CERS6: variants seen among roughly 807,000 people sequenced by gnomAD.
CERS6 encodes the protein ceramide synthase 6.
CERS6 carries 26 observed loss-of-function variants against 56.8 expected under a neutral mutation model. The observed-to-expected ratio is 0.46, with a 90% CI of 0.34 to 0.63. CERS6 has a LOEUF of 0.63. Among genes scored for constraint, CERS6 ranks in the 30% least tolerant of loss-of-function variants. The probability of loss-of-function intolerance (pLI) is 0.01; values close to 1 mark genes in which losing one functional copy is unlikely to be tolerated. For synonymous variants in CERS6, 164 were observed against 173.3 expected, an observed-to-expected ratio of 0.95 and a Z score of 0.42; for missense variants, 415 against 467.5, an observed-to-expected ratio of 0.89 and a Z score of 1.04.
chr2:168,498,845 G>T (rs1040796582), intron 1 of CERS6, among the ~76,000 whole-genome samples: 1 of 152,142 alleles, frequency 6.6e-6, no homozygotes, highest in African/African-American at 2.4e-5. Context: ...TTTCTATTTA[G>T]CCCGTAGGGA....
intron 1 of CERS6, among the ~76,000 whole-genome samples, chr2:168,473,306 T>G (rs548106815): frequency 3.5e-4 from 53 of 152,294 alleles, no homozygotes; most frequent in African/African-American, 1.3e-3. Flanking sequence ...TTAAAAAAAT[T>G]TACCCTTTTA....
chr2:168,680,651 G>T (rs1686191900), intron 4 of CERS6, among the ~76,000 whole-genome samples: 1 of 151,222 alleles, frequency 6.6e-6, no homozygotes, highest in African/African-American at 2.4e-5. Flanking sequence ...TGCAAGAAGA[G>T]ATTAGGCCAT....
chr2:168,559,734 C>CTATATATATATATATATATATATATATAT (rs1695752127), intron 2 of CERS6, among the ~76,000 whole-genome samples: 1 of 85,510 alleles, frequency 1.2e-5, no homozygotes, highest in Non-Finnish European at 2.5e-5. Context: ...AGAAAGGTAT[C>CTATATATATATATATATATATATATATAT]ATATATATAT....
chr2:168,615,530 A>C (rs1684295329), intron 3 of CERS6, among the ~76,000 whole-genome samples: 1 of 152,168 alleles, frequency 6.6e-6, no homozygotes, highest in African/African-American at 2.4e-5. Flanking sequence ...AAAATACAAT[A>C]AAAACTTTAG....
chr2:168,554,208 A>G (rs1217071059), intron 2 of CERS6, among the ~76,000 whole-genome samples: 2 of 152,160 alleles, frequency 1.3e-5, no homozygotes, highest in Non-Finnish European at 2.9e-5. Flanking sequence ...CAAAATGGAA[A>G]GTAGAACATA....
intron 4 of CERS6, among the ~76,000 whole-genome samples, chr2:168,637,964 G>C (rs1428654846): frequency 6.6e-6 from 1 of 151,800 alleles, no homozygotes; most frequent in East Asian, 1.9e-4. Context: ...GTATACCTAG[G>C]TCATAAAAGA....
intron 1 of CERS6, among the ~76,000 whole-genome samples, chr2:168,512,695 T>C (rs1395683810): frequency 7.1e-6 from 1 of 140,570 alleles, no homozygotes; most frequent in East Asian, 2.0e-4. Context: ...AAAGACAGAG[T>C]CTCGCTCTGT....
intron 1 of CERS6, among the ~76,000 whole-genome samples, chr2:168,519,189 G>A (rs942113633): frequency 6.6e-5 from 10 of 152,236 alleles, no homozygotes; most frequent in South Asian, 2.1e-4. Flanking sequence ...ATATTCCTTA[G>A]AATGCTGGCC....
chr2:168,537,880 A>G (rs1465694811), intron 1 of CERS6, among the ~76,000 whole-genome samples: 1 of 152,192 alleles, frequency 6.6e-6, no homozygotes, highest in Non-Finnish European at 1.5e-5. Context: ...CAGACTTACC[A>G]GGCCTCACAC....
At chr2:168,521,739 T>A (rs1332032666) in intron 1 of CERS6, among the ~76,000 whole-genome samples, 3 of 152,148 alleles carry the variant, frequency 2.0e-5, no homozygotes, top group Admixed American at 2.0e-4. Flanking sequence ...GCTTGGGAGC[T>A]TCCCCTGCAA....
intron 4 of CERS6, among the ~76,000 whole-genome samples, chr2:168,645,142 TAGAG>T (rs35865470): frequency 0.043 from 547 of 12,660 alleles, 22 homozygotes; most frequent in Middle Eastern, 0.071. Context: ...TATATATATA[TAGAG>T]AGAGAGAGAG....
At chr2:168,689,081 T>A (rs371586899) in intron 4 of CERS6, among the ~76,000 whole-genome samples, 1 of 152,120 alleles carries the variant, frequency 6.6e-6, no homozygotes, top group African/African-American at 2.4e-5. Flanking sequence ...AGCACACACA[T>A]GCCCAATGGT....
At chr2:168,497,778 G>A (rs1694499102) in intron 1 of CERS6, among the ~76,000 whole-genome samples, 2 of 152,154 alleles carry the variant, frequency 1.3e-5, no homozygotes, top group Non-Finnish European at 2.9e-5. Context: ...AGTAGGTTTT[G>A]AGCAATTGAG....
chr2:168,520,598 C>CTTTTTTTTTTT lies in CERS6; in HGVS notation c.171-26979_171-26969dup, dbSNP rs150724635. Among the ~76,000 whole-genome samples, 315 of 57,914 alleles carry CTTTTTTTTTTT rather than the reference C, an allele frequency of 5.4e-3. 34 individuals carry two copies. Among genetic ancestry groups the CTTTTTTTTTTT allele is most frequent in the Non-Finnish European group, 6.1e-3 (190 of 31,026 alleles). The allele number at this position is 57,914 out of a possible 152,430, so 38.0% of individuals were successfully genotyped here. On this transcript the variant is annotated intron_variant, in intron 1 of 9. Transcript: ENST00000305747. Reference sequence around the variant, plus strand: ...TTAACTCTTTAACATTTACAATATCCTTTTTTTTTTTTTTTTTTTTTTTTT... The same window carrying CTTTTTTTTTTT: ...TTAACTCTTTAACATTTACAATATCCTTTTTTTTTTTTTTTTTTTTTTTTTTTTTTTTTTTT...
intron 3 of CERS6, among the ~76,000 whole-genome samples, chr2:168,602,416 A>G (rs1445795036): frequency 1.3e-5 from 2 of 152,244 alleles, no homozygotes; most frequent in Non-Finnish European, 2.9e-5. Context: ...GATAGAAGCA[A>G]TAGCTTTAAT....
intron 4 of CERS6, among the ~76,000 whole-genome samples, chr2:168,664,703 C>T (rs1559042546): frequency 6.6e-6 from 1 of 152,096 alleles, no homozygotes; most frequent in Non-Finnish European, 1.5e-5. Flanking sequence ...TGAGGATGCC[C>T]AGAGGTCACT....
chr2:168,743,170 ATG>A (rs992785174), intron 8 of CERS6, among the ~76,000 whole-genome samples: 24 of 149,356 alleles, frequency 1.6e-4, no homozygotes, highest in African/African-American at 5.2e-4. Flanking sequence ...ATATGTATGT[ATG>A]TGTGTGTGTA....
chr2:168,561,566 C>A lies in CERS6; in HGVS notation c.407+244C>A, dbSNP rs561401554. The stretch of plus-strand genomic sequence containing the variant: ...CAAAGTAAGCATATTATAAAAGGAT[C>A]TACAATGGTCTTTTTAATCAGTCAT... On this transcript the variant is annotated intron_variant, in intron 3 of 9. Transcript: ENST00000305747. Among the ~76,000 whole-genome samples, 6 of 152,252 alleles carry A rather than the reference C, an allele frequency of 3.9e-5. No homozygotes were observed. In the South Asian group the frequency reaches 6.2e-4, roughly 16 times the overall value.
Position 168,605,406 on chromosome 2 carries a change from T to A in CERS6, c.408-25579T>A, listed in dbSNP as rs188982346. Among the ~76,000 whole-genome samples, 528 of 152,242 alleles carry A rather than the reference T, an allele frequency of 3.5e-3. 4 individuals are homozygous for A. Among genetic ancestry groups the A allele is most frequent in the African/African-American group, 0.012 (504 of 41,548 alleles). ...ATATCCAATTGGAACTTACGTAATATTTAAAAGGGAAGCAGAGCATAAGAG... is the reference window on the plus strand; with the variant it reads ...ATATCCAATTGGAACTTACGTAATAATTAAAAGGGAAGCAGAGCATAAGAG... On this transcript the variant is annotated intron_variant, in intron 3 of 9. Coordinates refer to ENST00000305747, the MANE Select transcript of CERS6 (RefSeq NM_203463.3).
Sources: gnomAD v4.1 joint callset for allele counts (sites outside exome capture counted in the v4.1 genomes callset) on GRCh38, gnomAD v4.1.1 for gene constraint, MANE v1.5 for transcripts, NCBI Gene and HGNC (gene_info 2026-07-23, HGNC 2026-07-21) for gene names.